Variants in NOS1AP observed in about 807,000 individuals in gnomAD.
NOS1AP encodes carboxyl-terminal PDZ ligand of neuronal nitric oxide synthase protein.
NOS1AP carries 21 observed loss-of-function variants against 56.2 expected under a neutral mutation model. The ratio of observed to expected loss-of-function variants is 0.37; its 90% CI spans 0.26 to 0.54. The LOEUF is 0.54. NOS1AP is among the 20% of genes least tolerant of loss of function. The pLI, the probability that NOS1AP is intolerant of heterozygous loss-of-function variation, is 0.84. For synonymous variants in NOS1AP, 270 were observed against 274.6 expected (o/e 0.98, Z 0.17); for missense variants, 522 against 657.8 (o/e 0.79, Z 2.26).
At chr1:162,283,455 G>T (rs925884709) in intron 2 of NOS1AP, among the ~76,000 whole-genome samples, 2 of 152,238 alleles carry the variant, frequency 1.3e-5, no homozygotes, top group African/African-American at 2.4e-5. Flanking sequence ...GGGTTAGGAG[G>T]CAGTTTGGGA....
rs553248968 is a variant in NOS1AP at position 162,095,060 on chromosome 1, G to A, written c.105+24778G>A. On this transcript the variant is annotated intron_variant, in intron 1 of 9. Transcript: ENST00000361897. Reference sequence around the variant, plus strand: ...CCTAAATGTCTTTTTTCATAGCCCAGTGTGGGCAATTGGCAACAGTTATAG... The same window carrying A: ...CCTAAATGTCTTTTTTCATAGCCCAATGTGGGCAATTGGCAACAGTTATAG... Among the ~76,000 whole-genome samples the A allele has an allele frequency of 3.9e-5, 6 of 152,324 alleles. No individual in the cohort carries two copies. In the East Asian group the frequency reaches 7.7e-4, roughly 20 times the overall value.
chr1:162,358,020 C>G (rs164127), intron 8 of NOS1AP, among the ~76,000 whole-genome samples: 123,658 of 152,104 alleles, frequency 0.81, 50,505 homozygotes, highest in African/African-American at 0.88. Flanking sequence ...TCTTAGGAGA[C>G]GGGGCAGTTG....
intron 2 of NOS1AP, among the ~76,000 whole-genome samples, chr1:162,265,949 C>A (rs1654408655): frequency 6.6e-6 from 1 of 152,214 alleles, no homozygotes; most frequent in African/African-American, 2.4e-5. Context: ...ATGACCCTGA[C>A]CTCATAGTCC....
chr1:162,118,601 A>T (rs61040600), intron 1 of NOS1AP, among the ~76,000 whole-genome samples: 10,186 of 152,212 alleles, frequency 0.067, 501 homozygotes, highest in African/African-American at 0.14. Flanking sequence ...TCTTGCTGAT[A>T]TTACAGTCAA....
Position 162,343,852 on chromosome 1 carries a change from C to T in NOS1AP, c.471C>T (p.Ile157=), listed in dbSNP as rs756770777. 9 of 1,614,036 alleles carry T rather than the reference C, an allele frequency of 5.6e-6. No individual in the cohort carries two copies. Among genetic ancestry groups the T allele is most frequent in the Admixed American group, 1.7e-5 (1 of 60,000 alleles). Residue 157 remains isoleucine, a synonymous_variant, in exon 6 of 10, where the codon ATC becomes ATT. Coordinates refer to ENST00000361897, the MANE Select transcript of NOS1AP (RefSeq NM_014697.3). ...CTTCCCAGAGCCAAGCTATGAGAATCGTTCGGACGGTGGGGCAGGCCTTTG... is the reference window on the plus strand; with the variant it reads ...CTTCCCAGAGCCAAGCTATGAGAATTGTTCGGACGGTGGGGCAGGCCTTTG... ...KSKKKSQAMR[I]VRTVGQAFEV...
intron 1 of NOS1AP, among the ~76,000 whole-genome samples, chr1:162,138,663 C>T (rs547614303): frequency 1.4e-4 from 22 of 152,194 alleles, no homozygotes; most frequent in Non-Finnish European, 2.5e-4. Flanking sequence ...TTTTCAGCAC[C>T]CGTTTCTTCC....
chr1:162,366,813 T>C (rs993045264), intron 9 of NOS1AP: 13 of 603,562 alleles, frequency 2.2e-5, no homozygotes, highest in Non-Finnish European at 1.5e-5. Flanking sequence ...AACCATCATA[T>C]GGTTCTTATG....
intron 1 of NOS1AP, among the ~76,000 whole-genome samples, chr1:162,138,164 A>G (rs1201320560): frequency 6.6e-6 from 1 of 152,218 alleles, no homozygotes; most frequent in Non-Finnish European, 1.5e-5. Flanking sequence ...GCTTAAAGCA[A>G]TCATAATCAT....
chr1:162,282,364 TG>T (rs1654959381), intron 2 of NOS1AP, among the ~76,000 whole-genome samples: 1 of 152,218 alleles, frequency 6.6e-6, no homozygotes, highest in African/African-American at 2.4e-5. Flanking sequence ...GATTCAACCA[TG>T]TTGTAGCATA....
At chr1:162,215,984 G>A (rs1248827553) in intron 2 of NOS1AP, among the ~76,000 whole-genome samples, 1 of 152,190 alleles carries the variant, frequency 6.6e-6, no homozygotes, top group Non-Finnish European at 1.5e-5. Flanking sequence ...TGGTCTGTCT[G>A]TCCAGCTTCC....
At chr1:162,145,885 C>A (rs1441914129) in intron 1 of NOS1AP, among the ~76,000 whole-genome samples, 3 of 152,062 alleles carry the variant, frequency 2.0e-5, no homozygotes, top group Non-Finnish European at 4.4e-5. Context: ...TTTGGGACCC[C>A]CAAGGGAGAG....
At chr1:162,335,846 C>T (rs889224384) in intron 5 of NOS1AP, among the ~76,000 whole-genome samples, 1 of 152,168 alleles carries the variant, frequency 6.6e-6, no homozygotes, top group African/African-American at 2.4e-5. Context: ...GAAAGGGTTA[C>T]CTCCTCTCTT....
chr1:162,135,664 A>G (rs573596639), intron 1 of NOS1AP, among the ~76,000 whole-genome samples: 8 of 152,174 alleles, frequency 5.3e-5, no homozygotes, highest in African/African-American at 1.4e-4. Flanking sequence ...GCCTTAAAGC[A>G]TGAGGGTGAC....
chr1:162,150,634 T>G (rs1558123528), intron 1 of NOS1AP, among the ~76,000 whole-genome samples: 1 of 152,194 alleles, frequency 6.6e-6, no homozygotes, highest in Non-Finnish European at 1.5e-5. Flanking sequence ...TATTATTGCC[T>G]GTCTTTTGGA....
At chr1:162,122,577 G>A (rs902868680) in intron 1 of NOS1AP, among the ~76,000 whole-genome samples, 2 of 149,506 alleles carry the variant, frequency 1.3e-5, no homozygotes, top group East Asian at 1.9e-4. Context: ...GCATGATCTC[G>A]GCTCACTGCA....
chr1:162,082,558 G>A (rs1691918362), intron 1 of NOS1AP, among the ~76,000 whole-genome samples: 3 of 152,168 alleles, frequency 2.0e-5, no homozygotes, highest in Middle Eastern at 3.2e-3. Flanking sequence ...CCCACCAACA[G>A]TCTATAAGGG....
rs553901133 is a variant in NOS1AP at position 162,130,675 on chromosome 1, G to C, written c.106-23730G>C. 1.1e-3 allele frequency among the ~76,000 whole-genome samples: 170 copies of C among 152,302 alleles called. 1 individual carries two copies. Among genetic ancestry groups the C allele is most frequent in the African/African-American group, 4.0e-3 (165 of 41,550 alleles). On this transcript the variant is annotated intron_variant, in intron 1 of 9. Transcript: ENST00000361897. The stretch of plus-strand genomic sequence containing the variant: ...TTTTATAGAGAAGAATGAGACCGCT[G>C]AGAAGTCACCTAGTCTAGCATTTTA...
rs771956293 is a variant in NOS1AP at position 162,367,255 on chromosome 1, G to A, written c.1309G>A (p.Glu437Lys). The A allele has an allele frequency of 3.5e-5, 56 of 1,613,570 alleles. No homozygotes were observed. The highest frequency in any genetic ancestry group is 3.3e-4 in the Admixed American group (20 of 59,998). The change falls in exon 10 of 10, where the codon GAG (glutamate) becomes AAG (lysine). Residue 437 changes from glutamate to lysine, a missense_variant. Glu to Lys is a moderately conservative substitution (Grantham distance 56). This residue lies in a region of NOS1AP where 160 missense variants were observed against 180.3 expected (regional missense o/e 0.89). Transcript: ENST00000361897. The surrounding 1 kb of genome is among the most constrained non-coding windows in gnomAD (Gnocchi z 6.5). ...GGAGTGCTTTCGCTTTCTTCCGCCCGAGGACACCCCGCCCCCAGCGCAGGG... is the reference window on the plus strand; with the variant it reads ...GGAGTGCTTTCGCTTTCTTCCGCCCAAGGACACCCCGCCCCCAGCGCAGGG... ...KLECFRFLPP[E>K]DTPPPAQGEA...
At chr1:162,095,100 T>C (rs564700151) in intron 1 of NOS1AP, among the ~76,000 whole-genome samples, 1 of 152,328 alleles carries the variant, frequency 6.6e-6, no homozygotes, top group South Asian at 2.1e-4. Context: ...TGTGGCATCA[T>C]ATCTTCTACA....
Sources: gnomAD v4.1 joint callset for allele counts (sites outside exome capture counted in the v4.1 genomes callset) on GRCh38, gnomAD v4.1.1 for gene constraint, gnomAD v4.1.1 regional missense constraint, Gnocchi (gnomAD v3.1) non-coding constraint, MANE v1.5 for transcripts, NCBI Gene and HGNC (gene_info 2026-07-23, HGNC 2026-07-21) for gene names.